The following FOCAD variants were observed in gnomAD, a reference collection of about 807,000 sequenced individuals.
The protein encoded by FOCAD is KIAA1797.
A neutral mutation model predicts 225.6 loss-of-function variants in FOCAD; 198 were observed. The observed-to-expected ratio is 0.88, with a 90% confidence interval of 0.78 to 0.99. The LOEUF (loss-of-function observed/expected upper bound fraction) is 0.99, where lower values mean the gene tolerates loss of function less well. FOCAD is among the 50% of genes least tolerant of loss of function. The pLI is 0.00. For missense variants in FOCAD, 2,713 were observed against 2,123.6 expected, an observed-to-expected ratio of 1.28 and a Z score of -5.46; for synonymous variants, 897 against 755.0, an observed-to-expected ratio of 1.19 and a Z score of -3.08.
At chr9:20,699,737 C>CAAAA (rs71334546) in intron 1 of FOCAD, among the ~76,000 whole-genome samples, 1 of 40,568 alleles carries the variant, frequency 2.5e-5, no homozygotes, top group Non-Finnish European at 3.8e-5. Context: ...GACTCCGTCT[C>CAAAA]AAAAAAAAAA....
chr9:20,912,395 G>C (rs1409976339), intron 22 of FOCAD, among the ~76,000 whole-genome samples: 1 of 152,054 alleles, frequency 6.6e-6, no homozygotes, highest in Non-Finnish European at 1.5e-5. Context: ...GTGTAATGTA[G>C]AGCTGTTGGA....
chr9:20,702,175 T>C (rs1180441020), intron 1 of FOCAD, among the ~76,000 whole-genome samples: 1 of 152,180 alleles, frequency 6.6e-6, no homozygotes, highest in Non-Finnish European at 1.5e-5. Context: ...TGATAATAGC[T>C]CACTGTAGCC....
At chr9:20,874,552 G>T in intron 18 of FOCAD, 129 bp from the exon 19 acceptor site, 1 of 829,772 alleles carries the variant, frequency 1.2e-6, no homozygotes, top group Non-Finnish European at 1.8e-6. Flanking sequence ...AATTTCAGTG[G>T]TCTTTTATGT....
At position 20,689,985 on chromosome 9, in the gene FOCAD, A is replaced by G. The variant is rs191619173; in HGVS notation, c.-33+5692A>G. ...CCTTTTCCTGGTCTTTGAATTCCCA[A>G]AATACTTTTGCAAATACATTTCATC... On this transcript the variant is annotated intron_variant, in intron 1 of 43. Coordinates refer to ENST00000338382, the MANE Select transcript of FOCAD (RefSeq NM_001375567.1). Among the ~76,000 whole-genome samples, 4 of 152,322 alleles carry G rather than the reference A, an allele frequency of 2.6e-5. No homozygotes were observed. In the East Asian group the frequency reaches 7.7e-4, roughly 29 times the overall value.
intron 35 of FOCAD, among the ~76,000 whole-genome samples, chr9:20,962,726 G>T (rs1224371986): frequency 6.6e-6 from 1 of 152,130 alleles, no homozygotes; most frequent in Non-Finnish European, 1.5e-5. Context: ...GTTCTTTGAG[G>T]CTGTCAACTG....
intron 35 of FOCAD, among the ~76,000 whole-genome samples, chr9:20,967,791 T>C (rs759581381): frequency 6.6e-6 from 1 of 152,160 alleles, no homozygotes; most frequent in East Asian, 1.9e-4. Flanking sequence ...GATTTTCTTA[T>C]GTTGAACAAA....
chr9:20,881,936 C>T lies in FOCAD; in HGVS notation c.2383C>T (p.His795Tyr), dbSNP rs1296321549. The T allele has an allele frequency of 6.2e-7, 1 of 1,613,862 alleles. No individual in the cohort carries two copies. Among genetic ancestry groups the T allele is most frequent in the Non-Finnish European group, 8.5e-7 (1 of 1,179,858 alleles). ...GGTGAATATGCCTCGTGGGATATAT[C>T]ACTCTGCATTAAAAGGAGGTGCCCG... is the stretch of plus-strand genomic sequence containing the variant. ...EMVNMPRGIY[H>Y]SALKGGARSD... Residue 795 changes from histidine (H) to tyrosine (Y), a missense_variant, in exon 20 of 44, where the codon CAC (histidine) becomes TAC (tyrosine). Transcript: ENST00000338382.
intron 20 of FOCAD, among the ~76,000 whole-genome samples, chr9:20,883,255 T>G (rs1055648791): frequency 1.3e-5 from 2 of 152,114 alleles, no homozygotes; most frequent in Non-Finnish European, 2.9e-5. Flanking sequence ...TTTCAAAATA[T>G]ATGACAAAAA....
chr9:20,798,941 G>A (rs968512162), intron 11 of FOCAD, among the ~76,000 whole-genome samples: 1 of 152,064 alleles, frequency 6.6e-6, no homozygotes, highest in Non-Finnish European at 1.5e-5. Flanking sequence ...TGTGATATTA[G>A]GGTGTCAATT....
At chr9:20,679,015 A>G (rs1341303532) in intron 2 of FOCAD, among the ~76,000 whole-genome samples, 1 of 152,144 alleles carries the variant, frequency 6.6e-6, no homozygotes, top group Non-Finnish European at 1.5e-5. Flanking sequence ...AGTCACAAAG[A>G]TATCTGGGGA....
chr9:20,704,371 A>G (rs1192988545), intron 1 of FOCAD, among the ~76,000 whole-genome samples: 1 of 152,208 alleles, frequency 6.6e-6, no homozygotes, highest in Non-Finnish European at 1.5e-5. Flanking sequence ...GCTAAACCAT[A>G]TCTATTCCAT....
chr9:20,773,207 C>A (rs1464591584), intron 8 of FOCAD, among the ~76,000 whole-genome samples: 1 of 152,114 alleles, frequency 6.6e-6, no homozygotes, highest in Non-Finnish European at 1.5e-5. Flanking sequence ...TATTTCCCCC[C>A]ACCTTTAGCA....
At position 20,862,570 on chromosome 9, in the gene FOCAD, C is replaced by T; in HGVS notation, c.1921-8C>T. ...GTTAGGTGTTGACCTTTTCTATTTG[C>T]TTCACAGGTTGTTTGCATTCGCTCC... On this transcript the variant is annotated splice_polypyrimidine_tract_variant and splice_region_variant and intron_variant, in intron 15 of 43. Coordinates refer to ENST00000338382, the MANE Select transcript of FOCAD (RefSeq NM_001375567.1). The T allele has an allele frequency of 6.2e-7, 1 of 1,611,992 alleles. No homozygotes were observed. Among genetic ancestry groups the T allele is most frequent in the Non-Finnish European group, 8.5e-7 (1 of 1,178,942 alleles).
chr9:20,786,934 T>A, intron 10 of FOCAD: 1 of 437,452 alleles, frequency 2.3e-6, no homozygotes, highest in East Asian at 6.8e-5. Flanking sequence ...TTACTAGCAT[T>A]TTCACAGGTC....
rs1288872896 is a variant in FOCAD, at chr9:20,970,589, C to T, written c.4133-5831C>T. ...CTTTTTTCTTTTCTTGTATTGTTCT[C>T]CTGGTTTCTTTTAGTTCTTTGTCCA... On this transcript the variant is annotated intron_variant, in intron 35 of 43. Coordinates refer to ENST00000338382, the MANE Select transcript of FOCAD (RefSeq NM_001375567.1). Among the ~76,000 whole-genome samples, 2 of 151,784 alleles carry T rather than the reference C, an allele frequency of 1.3e-5. 1 individual carries two copies. The highest frequency in any genetic ancestry group is 4.8e-5 in the African/African-American group (2 of 41,330).
chr9:20,926,510 G>GTGAGCCAC, intron 26 of FOCAD, 93 bp downstream of exon 26: 2 of 812,004 alleles, frequency 2.5e-6, no homozygotes, highest in South Asian at 1.4e-5. Context: ...TAGGCCAGGC[G>GTGAGCCAC]CGGTGGCTCA....
At chr9:20,792,290 G>A (rs1260572751) in intron 11 of FOCAD, among the ~76,000 whole-genome samples, 1 of 152,168 alleles carries the variant, frequency 6.6e-6, no homozygotes, top group Non-Finnish European at 1.5e-5. Context: ...GAGATAGGTT[G>A]AGTTGGTCTA....
intron 1 of FOCAD, among the ~76,000 whole-genome samples, chr9:20,696,699 G>A (rs1048491250): frequency 6.6e-6 from 1 of 152,192 alleles, no homozygotes; most frequent in Non-Finnish European, 1.5e-5. Flanking sequence ...CAGCTACTTT[G>A]GAGGCTGAGG....
At chr9:20,871,931 T>C (rs199991497) in intron 18 of FOCAD, among the ~76,000 whole-genome samples, 1 of 112,860 alleles carries the variant, frequency 8.9e-6, no homozygotes, top group East Asian at 2.6e-4. Context: ...ATAAAAAAAA[T>C]TAAAAAAAAA....
Sources: gnomAD v4.1 joint callset for allele counts (sites outside exome capture counted in the v4.1 genomes callset) on GRCh38, gnomAD v4.1.1 for gene constraint, MANE v1.5 for transcripts, NCBI Gene and HGNC (gene_info 2026-07-23, HGNC 2026-07-21) for gene names.